Variants in EEFSEC observed in about 807,000 individuals in gnomAD.
The protein encoded by EEFSEC is eukaryotic elongation factor, selenocysteine-tRNA specific, also known as selenocysteine-specific elongation factor.
A neutral mutation model predicts 42.1 loss-of-function variants in EEFSEC; 43 were observed. The observed-to-expected ratio is 1.02, with a 90% CI of 0.80 to 1.32. The LOEUF is 1.32. Ranked by LOEUF, EEFSEC falls within the 40% of genes most tolerant of loss-of-function variation. EEFSEC has a pLI of 0.00. For synonymous variants in EEFSEC, 354 were observed against 339.1 expected (o/e 1.04, Z -0.48); for missense variants, 745 against 803.6 (o/e 0.93, Z 0.88).
intron 2 of EEFSEC, among the ~76,000 whole-genome samples, chr3:128,254,202 A>C (rs974744898): frequency 1.3e-5 from 2 of 152,194 alleles, no homozygotes; most frequent in Admixed American, 6.5e-5. Context: ...GATTCTGAGG[A>C]AGGCAAGTTT....
intron 4 of EEFSEC, among the ~76,000 whole-genome samples, chr3:128,279,142 A>G (rs2066498296): frequency 6.6e-6 from 1 of 152,176 alleles, no homozygotes; most frequent in South Asian, 2.1e-4. Flanking sequence ...TGTGAACCAT[A>G]CGGCGGCGGC....
At chr3:128,229,114 A>G (rs1366302058) in intron 1 of EEFSEC, among the ~76,000 whole-genome samples, 1 of 152,184 alleles carries the variant, frequency 6.6e-6, no homozygotes, top group East Asian at 1.9e-4. Context: ...AATGTCAGAG[A>G]CTGTTTGGAG....
intron 1 of EEFSEC, among the ~76,000 whole-genome samples, chr3:128,204,488 C>G (rs1462686842): frequency 6.6e-6 from 1 of 152,014 alleles, no homozygotes; most frequent in Non-Finnish European, 1.5e-5. Context: ...TAGGTATTTC[C>G]CTCTCTCTCC....
intron 1 of EEFSEC, among the ~76,000 whole-genome samples, chr3:128,194,135 G>A (rs546201933): frequency 2.3e-4 from 35 of 152,310 alleles, no homozygotes; most frequent in African/African-American, 3.8e-4. Context: ...CCTCTCTTCC[G>A]TCTTGGGACG....
At chr3:128,378,073 A>T (rs2067730109) in intron 6 of EEFSEC, among the ~76,000 whole-genome samples, 1 of 152,142 alleles carries the variant, frequency 6.6e-6, no homozygotes. Flanking sequence ...TGTCTGCCAA[A>T]ATTTCCCACT....
the EEFSEC span, among the ~76,000 whole-genome samples, chr3:128,419,234 T>C: frequency 6.6e-6 from 1 of 151,996 alleles, no homozygotes; most frequent in African/African-American, 2.4e-5. Flanking sequence ...CGGCTGCTGG[T>C]GGCAGTCCTG....
chr3:128,314,146 C>T (rs571034554), intron 4 of EEFSEC, among the ~76,000 whole-genome samples: 2 of 152,160 alleles, frequency 1.3e-5, no homozygotes, highest in African/African-American at 4.8e-5. Context: ...GTTTGGAGAG[C>T]ACGTTAACCA....
chr3:128,179,878 T>C (rs1259233998), intron 1 of EEFSEC, among the ~76,000 whole-genome samples: 1 of 152,114 alleles, frequency 6.6e-6, no homozygotes, highest in African/African-American at 2.4e-5. Flanking sequence ...ATTACTGTCT[T>C]ATCAGAGTAA....
At chr3:128,392,884 G>A (rs972837946) in intron 6 of EEFSEC, among the ~76,000 whole-genome samples, 1 of 152,196 alleles carries the variant, frequency 6.6e-6, no homozygotes, top group African/African-American at 2.4e-5. Flanking sequence ...GAAGGGGGTG[G>A]TGGGTACAGC....
chr3:128,313,601 G>A (rs1050728037), intron 4 of EEFSEC, among the ~76,000 whole-genome samples: 3 of 152,194 alleles, frequency 2.0e-5, no homozygotes, highest in Non-Finnish European at 2.9e-5. Flanking sequence ...TGACTTCACC[G>A]CTGCCTGGTA....
chr3:128,250,239 A>T (rs903928188), intron 2 of EEFSEC, among the ~76,000 whole-genome samples: 5 of 152,158 alleles, frequency 3.3e-5, no homozygotes, highest in Non-Finnish European at 5.9e-5. Context: ...CCTTTGATAC[A>T]CAAAACTTCC....
At chr3:128,198,406 A>C (rs542317895) in intron 1 of EEFSEC, among the ~76,000 whole-genome samples, 1 of 152,296 alleles carries the variant, frequency 6.6e-6, no homozygotes, top group East Asian at 1.9e-4. Flanking sequence ...TAAAAGCAAA[A>C]GTCCCAAGAA....
At chr3:128,316,634 C>T (rs535250003) in intron 4 of EEFSEC, among the ~76,000 whole-genome samples, 48 of 152,292 alleles carry the variant, frequency 3.2e-4, no homozygotes, top group South Asian at 1.9e-3. Context: ...GAAGATCTGG[C>T]GACCAAGGGC....
intron 2 of EEFSEC, among the ~76,000 whole-genome samples, chr3:128,247,694 A>C (rs186455092): frequency 6.6e-6 from 1 of 152,178 alleles, no homozygotes; most frequent in South Asian, 2.1e-4. Flanking sequence ...AAGGAATTTT[A>C]TGCAAGGGGT....
chr3:128,387,265 G>T (rs2067851885), intron 6 of EEFSEC, among the ~76,000 whole-genome samples: 1 of 152,168 alleles, frequency 6.6e-6, no homozygotes, highest in Non-Finnish European at 1.5e-5. Context: ...GTCCCTTCTG[G>T]TCAGACCCAT....
At chr3:128,297,762 C>T (rs1208345924) in intron 4 of EEFSEC, among the ~76,000 whole-genome samples, 1 of 43,866 alleles carries the variant, frequency 2.3e-5, no homozygotes, top group Non-Finnish European at 6.6e-5. Context: ...TTGAAAATAT[C>T]AACATGTTGT....
intron 6 of EEFSEC, among the ~76,000 whole-genome samples, chr3:128,371,295 T>C (rs2067651129): frequency 6.6e-6 from 1 of 152,086 alleles, no homozygotes; most frequent in Admixed American, 6.5e-5. Context: ...TCCATGCTTG[T>C]ATCTGGCCTT....
At chr3:128,259,059 G>T (rs2066271093) in intron 2 of EEFSEC, among the ~76,000 whole-genome samples, 1 of 152,220 alleles carries the variant, frequency 6.6e-6, no homozygotes, top group South Asian at 2.1e-4. Context: ...TGAAATAGGG[G>T]GAGGAAGAAT....
chr3:128,380,526 A>G (rs1470597456), intron 6 of EEFSEC, among the ~76,000 whole-genome samples: 1 of 152,088 alleles, frequency 6.6e-6, no homozygotes. Flanking sequence ...GTGGCCTCAC[A>G]CACATGTGCA....
Sources: gnomAD v4.1 joint callset for allele counts (sites outside exome capture counted in the v4.1 genomes callset) on GRCh38, gnomAD v4.1.1 for gene constraint, MANE v1.5 for transcripts, NCBI Gene and HGNC (gene_info 2026-07-23, HGNC 2026-07-21) for gene names.